RANBP17: variants seen among roughly 807,000 people sequenced by gnomAD.
The protein encoded by RANBP17 is RAN binding protein 17.
In RANBP17, 158 loss-of-function variants were observed where a neutral mutation model predicts 141.2. The ratio of observed to expected loss-of-function variants is 1.12; its 90% CI spans 0.98 to 1.28. The LOEUF (loss-of-function observed/expected upper bound fraction) is 1.28. Ranked by LOEUF, RANBP17 falls within the 50% of genes most tolerant of loss-of-function variation. The pLI is 0.00. For synonymous variants in RANBP17, 430 were observed against 450.0 expected, an observed-to-expected ratio of 0.96 and a Z score of 0.56; for missense variants, 1,438 against 1,290.7, an observed-to-expected ratio of 1.11 and a Z score of -1.75.
rs561651143 is a variant in RANBP17 at position 171,116,139 on chromosome 5, AGAG to A, written c.1711-53983_1711-53981del. 1.3e-3 allele frequency among the ~76,000 whole-genome samples: 203 copies of A among 152,330 alleles called. 1 individual carries two copies. The highest frequency in any genetic ancestry group is 1.9e-3 in the South Asian group (9 of 4,834). The stretch of plus-strand genomic sequence containing the variant: ...TCTTGGCTTGGTATTACTTCCTGTT[AGAG>A]GAGGAGGGAGTTGTAGTTAGAAAAG... On this transcript the variant is annotated intron_variant, in intron 14 of 27. Transcript: ENST00000523189.
At chr5:171,108,883 T>G (rs1308206891) in intron 14 of RANBP17, among the ~76,000 whole-genome samples, 5 of 152,218 alleles carry the variant, frequency 3.3e-5, no homozygotes, top group Non-Finnish European at 7.3e-5. Context: ...GTTTGCCTTT[T>G]TTGTTGTTGT....
Position 170,975,896 on chromosome 5 carries a change from C to CT in RANBP17, c.1710+7522dup, listed in dbSNP as rs202020219. Among the ~76,000 whole-genome samples, 1,277 of 152,096 alleles carry CT rather than the reference C, an allele frequency of 8.4e-3. 7 individuals carry two copies. The highest frequency in any genetic ancestry group is 0.015 in the Non-Finnish European group (989 of 67,974). ...AATGGATTCCAGCATCTTATAAGTG[C>CT]TTTCTCTTATGATCGAGAGTAAGAC... On this transcript the variant is annotated intron_variant, in intron 14 of 27. Coordinates refer to ENST00000523189, the MANE Select transcript of RANBP17 (RefSeq NM_022897.5).
chr5:170,896,802 C>T (rs1369946224), intron 5 of RANBP17: 3 of 407,928 alleles, frequency 7.4e-6, no homozygotes, highest in Non-Finnish European at 9.2e-6. Context: ...TGCACTCCAC[C>T]CTGGGTGACA....
At chr5:171,286,716 G>T (rs973268657) in intron 25 of RANBP17, among the ~76,000 whole-genome samples, 1 of 152,046 alleles carries the variant, frequency 6.6e-6, no homozygotes, top group Non-Finnish European at 1.5e-5. Flanking sequence ...TTCAATATCC[G>T]CTGTACACAT....
intron 24 of RANBP17, among the ~76,000 whole-genome samples, chr5:171,256,981 C>T (rs1765940699): frequency 6.6e-6 from 1 of 150,428 alleles, no homozygotes; most frequent in Non-Finnish European, 1.5e-5. Flanking sequence ...TACAAACATA[C>T]AAAACCAAAT....
At chr5:171,109,118 G>C (rs183095401) in intron 14 of RANBP17, among the ~76,000 whole-genome samples, 314 of 152,250 alleles carry the variant, frequency 2.1e-3, no homozygotes, top group Middle Eastern at 6.8e-3. Context: ...CGGTATACAG[G>C]TCAAAAATGC....
intron 14 of RANBP17, among the ~76,000 whole-genome samples, chr5:171,159,236 A>G (rs1382582188): frequency 1.3e-5 from 2 of 152,204 alleles, no homozygotes; most frequent in Non-Finnish European, 2.9e-5. Flanking sequence ...CTATGTATGT[A>G]TTTAGGCATG....
rs1170541451 is a variant in RANBP17 at position 170,909,705 on chromosome 5, C to T, written c.534C>T (p.Thr178=). Residue 178 remains threonine, a synonymous_variant, in exon 6 of 28, where the codon ACC becomes ACT. Coordinates refer to ENST00000523189, the MANE Select transcript of RANBP17 (RefSeq NM_022897.5). ...CAGCAAAACACAGGAAAATAGCTAC[C>T]TCATTTCGTGATACTTCTCTCAAAG... ...RPSAKHRKIA[T]SFRDTSLKDV... The T allele has an allele frequency of 6.3e-7, 1 of 1,597,492 alleles. No individual in the cohort carries two copies. Among genetic ancestry groups the T allele is most frequent in the African/African-American group, 1.4e-5 (1 of 73,846 alleles).
intron 14 of RANBP17, among the ~76,000 whole-genome samples, chr5:171,094,386 G>T (rs1165805889): frequency 6.6e-6 from 1 of 151,868 alleles, no homozygotes. Flanking sequence ...TATGAAGATT[G>T]ATGATTATGT....
intron 14 of RANBP17, among the ~76,000 whole-genome samples, chr5:171,051,764 A>G (rs959337779): frequency 5.3e-5 from 8 of 152,178 alleles, no homozygotes; most frequent in African/African-American, 1.9e-4. Context: ...ATAAAAGTAG[A>G]GTTGCTAAAT....
Position 171,002,599 on chromosome 5 carries a change from C to T in RANBP17, c.1710+34222C>T, listed in dbSNP as rs538681974. On this transcript the variant is annotated intron_variant, in intron 14 of 27. Coordinates refer to ENST00000523189, the MANE Select transcript of RANBP17 (RefSeq NM_022897.5). Reference sequence around the variant, plus strand: ...TTTAGAGTCAGTATAAATATTGACACATAGTCCCTTTGCAAGAGTGAAGGC... The same window carrying T: ...TTTAGAGTCAGTATAAATATTGACATATAGTCCCTTTGCAAGAGTGAAGGC... Among the ~76,000 whole-genome samples, 691 of 152,176 alleles carry T rather than the reference C, an allele frequency of 4.5e-3. 5 individuals are homozygous for T. The highest frequency in any genetic ancestry group is 0.016 in the African/African-American group (663 of 41,504).
chr5:170,991,077 G>T lies in RANBP17; in HGVS notation c.1710+22700G>T, dbSNP rs79540181. On this transcript the variant is annotated intron_variant, in intron 14 of 27. Coordinates refer to ENST00000523189, the MANE Select transcript of RANBP17 (RefSeq NM_022897.5). ...GGATAGTTATATCAACAATAAATAG[G>T]TTGTTTTAATAACTTTCTTTTACCT... Among the ~76,000 whole-genome samples, 545 of 151,948 alleles carry T rather than the reference G, an allele frequency of 3.6e-3. 2 individuals carry two copies. Among genetic ancestry groups the T allele is most frequent in the African/African-American group, 0.012 (515 of 41,490 alleles).
At chr5:171,018,449 G>A (rs1057088988) in intron 14 of RANBP17, among the ~76,000 whole-genome samples, 6 of 152,110 alleles carry the variant, frequency 3.9e-5, no homozygotes, top group Non-Finnish European at 7.3e-5. Context: ...GTTGTTTGTA[G>A]TTCTCCTTGG....
chr5:171,288,559 A>G (rs1024950969), intron 25 of RANBP17, among the ~76,000 whole-genome samples: 6 of 152,238 alleles, frequency 3.9e-5, no homozygotes, highest in Non-Finnish European at 7.3e-5. Context: ...GTTCAGCTTC[A>G]CATCCTGGTA....
chr5:170,952,687 G>A (rs1025311852), intron 12 of RANBP17, among the ~76,000 whole-genome samples: 5 of 151,814 alleles, frequency 3.3e-5, no homozygotes, highest in Non-Finnish European at 2.9e-5. Flanking sequence ...TTCTTAATCA[G>A]AAACAATTGA....
At chr5:171,105,292 G>C (rs940951066) in intron 14 of RANBP17, among the ~76,000 whole-genome samples, 1 of 140,210 alleles carries the variant, frequency 7.1e-6, no homozygotes, top group Non-Finnish European at 1.5e-5. Flanking sequence ...TGAGGCAGGA[G>C]AATGGCGTGA....
intron 14 of RANBP17, chr5:171,158,495 G>A (rs1043410996): frequency 5.4e-6 from 1 of 183,490 alleles, no homozygotes; most frequent in African/African-American, 2.4e-5. Context: ...CCTATGCCCA[G>A]TAAGTTTAGT....
rs199585262 is a variant in RANBP17 at position 171,175,815 on chromosome 5, T to TA, written c.1865+4530dup. ...GTTTATCCAAACTTTTTTTTTTTTTTACCTTATGGATACTGTTAACCGCAA... is the reference window on the plus strand; with the variant it reads ...GTTTATCCAAACTTTTTTTTTTTTTTAACCTTATGGATACTGTTAACCGCAA... On this transcript the variant is annotated intron_variant, in intron 16 of 27. Transcript: ENST00000523189. Among the ~76,000 whole-genome samples, 844 of 151,874 alleles carry TA rather than the reference T, an allele frequency of 5.6e-3. 10 individuals carry two copies. The highest frequency in any genetic ancestry group is 0.018 in the African/African-American group (763 of 41,358).
chr5:170,939,084 G>A (rs1355291005), intron 12 of RANBP17, among the ~76,000 whole-genome samples: 2 of 146,376 alleles, frequency 1.4e-5, no homozygotes, highest in Non-Finnish European at 3.0e-5. Context: ...CTTCTCAACA[G>A]TAAAAATGGA....
Sources: allele counts gnomAD v4.1 joint callset (sites outside exome capture counted in the v4.1 genomes callset), GRCh38; gene constraint gnomAD v4.1.1; transcripts MANE v1.5; gene names NCBI Gene and HGNC (gene_info 2026-07-23, HGNC 2026-07-21).